The following PBK variants were observed in gnomAD, a reference collection of about 807,000 sequenced individuals.
PBK encodes the protein lymphokine-activated killer T-cell-originated protein kinase.
A neutral mutation model predicts 33.5 loss-of-function variants in PBK; 22 were observed. The ratio of observed to expected loss-of-function variants is 0.66; its 90% CI spans 0.47 to 0.94. The LOEUF is 0.94. Ranked by LOEUF, PBK falls within the 40% of genes least tolerant of loss-of-function variation. The pLI is 0.00. For synonymous variants in PBK, 129 were observed against 123.8 expected, an observed-to-expected ratio of 1.04 and a Z score of -0.28; for missense variants, 376 against 383.4, an observed-to-expected ratio of 0.98 and a Z score of 0.16.
intron 3 of PBK, among the ~76,000 whole-genome samples, chr8:27,824,424 G>A (rs1245986837): frequency 2.6e-5 from 4 of 151,836 alleles, no homozygotes; most frequent in Non-Finnish European, 5.9e-5. Context: ...GCAAATTTCT[G>A]ATGAGATTAC....
rs769711203 is a variant in PBK, at chr8:27,821,365, C to A, written c.466-671G>T. On this transcript the variant is annotated intron_variant, in intron 5 of 7. Coordinates refer to ENST00000301905, the MANE Select transcript of PBK (RefSeq NM_018492.4). ...GCAACATCTGCCTTCCAAGTTCAAG[C>A]GATTCTCCTGCCTCAGCCTCCCGAG... Among the ~76,000 whole-genome samples, 5 of 152,044 alleles carry A rather than the reference C, an allele frequency of 3.3e-5. No individual in the cohort carries two copies. The East Asian group carries it at 7.8e-4, about 24-fold the overall frequency.
At chr8:27,810,908 T>A in intron 7 of PBK, 50 bp downstream of exon 7, 2 of 1,162,938 alleles carry the variant, frequency 1.7e-6, no homozygotes, top group Non-Finnish European at 1.3e-6. Flanking sequence ...TATATAATCT[T>A]TAGTGTGAAA....
chr8:27,827,595 T>C (rs1316717473), intron 3 of PBK, among the ~76,000 whole-genome samples: 1 of 152,226 alleles, frequency 6.6e-6, no homozygotes, highest in Non-Finnish European at 1.5e-5. Context: ...GGCACCATAC[T>C]TGTTCGATTA....
rs1218757089 is a variant in PBK, at chr8:27,811,013, T to G, written c.717A>C (p.Glu239Asp). The G allele has an allele frequency of 1.1e-5, 18 of 1,612,762 alleles. No homozygotes were observed. Among genetic ancestry groups the G allele is most frequent in the Non-Finnish European group, 1.5e-5 (18 of 1,178,906 alleles). The change falls in exon 7 of 8, where the codon GAA becomes GAC. Residue 239 changes from glutamate (E) to aspartate (D), a missense_variant. Glu to Asp is a conservative substitution (Grantham distance 45, BLOSUM62 2). Coordinates refer to ENST00000301905, the MANE Select transcript of PBK (RefSeq NM_018492.4). ...DIFAFGLTLW[E>D]MMTLSIPHIN... ...TGTGTGGAATCGATAAAGTCATCAT[T>G]TCCCACAAAGTAAGGCCAAAGGCAA... is the stretch of plus-strand genomic sequence containing the variant.
intron 6 of PBK, among the ~76,000 whole-genome samples, chr8:27,816,620 C>T (rs1805820456): frequency 6.6e-6 from 1 of 151,810 alleles, no homozygotes; most frequent in Non-Finnish European, 1.5e-5. Context: ...TCATGATTTG[C>T]CCGCCTCGGC....
At position 27,810,470 on chromosome 8, in the gene PBK, A is replaced by G. The variant is rs1805654811; in HGVS notation, c.804T>C (p.Asp268=). 1 of 1,603,136 alleles carries G rather than the reference A, an allele frequency of 6.2e-7. No homozygotes were observed. The highest frequency in any genetic ancestry group is 1.3e-5 in the African/African-American group (1 of 74,544). Residue 268 remains aspartate (D), a synonymous_variant, in exon 8 of 8, where the codon GAT becomes GAC. Transcript: ENST00000301905. The stretch of plus-strand genomic sequence containing the variant: ...TTCCCAACGCTGCATAGTATGCTTC[A>G]TCATCAAAATCACTTTCATCAAAAG... ...DKTFDESDFD[D]EAYYAALGTR... is the part of the protein sequence containing the mutation.
intron 4 of PBK, among the ~76,000 whole-genome samples, chr8:27,822,816 T>C (rs1485786432): frequency 6.6e-6 from 1 of 152,190 alleles, no homozygotes; most frequent in Non-Finnish European, 1.5e-5. Flanking sequence ...TCATTTTATA[T>C]TCTTAAAATC....
rs925430689 is a variant in PBK, at chr8:27,811,466, G to A, written c.596-332C>T. On this transcript the variant is annotated intron_variant, in intron 6 of 7. Transcript: ENST00000301905. ...TCAAAGACATGTGTGTGCAAGCTGCGTGACCTTGAGCAGATCACTTCTAGA... is the reference window on the plus strand; with the variant it reads ...TCAAAGACATGTGTGTGCAAGCTGCATGACCTTGAGCAGATCACTTCTAGA... 2.9e-4 allele frequency: 126 copies of A among 434,934 alleles called. No homozygotes were observed. In the East Asian group the frequency reaches 5.2e-3, roughly 18 times the overall value. 26.9% of individuals were successfully genotyped at this position (434,934 alleles called of 1,614,324 possible).
At chr8:27,816,039 T>A (rs1261490593) in intron 6 of PBK, among the ~76,000 whole-genome samples, 1 of 152,168 alleles carries the variant, frequency 6.6e-6, no homozygotes. Context: ...TGAAAAATGA[T>A]GAAACTGGAG....
intron 3 of PBK, among the ~76,000 whole-genome samples, 200 bp downstream of exon 3, chr8:27,827,905 G>T (rs569331093): frequency 1.3e-5 from 2 of 152,306 alleles, no homozygotes; most frequent in South Asian, 4.1e-4. Context: ...TAACCCATCA[G>T]GAGGAAGCTA....
chr8:27,825,270 T>A (rs908394599), intron 3 of PBK, among the ~76,000 whole-genome samples: 21 of 152,054 alleles, frequency 1.4e-4, no homozygotes, highest in African/African-American at 4.6e-4. Context: ...TGAGACCCCT[T>A]CTCTACAAAA....
rs1805899886 is a variant in PBK, at chr8:27,820,547, C to CTTA, written c.595+15_595+17dup. On this transcript the variant is annotated intron_variant, in intron 6 of 7. Transcript: ENST00000301905. ...CTGTATTAAAAACAAAATTTTAAAACTTAAGAGTACAACTTACCAGTCATA... is the reference window on the plus strand; with the variant it reads ...CTGTATTAAAAACAAAATTTTAAAACTTATTAAGAGTACAACTTACCAGTCATA... The CTTA allele has an allele frequency of 2.0e-6, 3 of 1,480,682 alleles. No homozygotes were observed. The highest frequency in any genetic ancestry group is 1.4e-5 in the African/African-American group (1 of 70,266). 91.7% of individuals were successfully genotyped at this position (1,480,682 alleles called of 1,614,324 possible). A position where few individuals can be genotyped will look rare whatever the true frequency, so the allele number is the denominator to read the frequency against.
chr8:27,831,330 G>A (rs1178448194), intron 2 of PBK, among the ~76,000 whole-genome samples: 2 of 151,890 alleles, frequency 1.3e-5, no homozygotes, highest in African/African-American at 4.8e-5. Flanking sequence ...TCCATTACGG[G>A]TGACAAAAGG....
At chr8:27,810,538 C>A (rs557416121) in intron 7 of PBK, 37 bp from the exon 8 acceptor site, 9 of 1,305,564 alleles carry the variant, frequency 6.9e-6, no homozygotes, top group African/African-American at 2.9e-5. Context: ...TAAACAAAAT[C>A]ACTTTATGTC....
intron 2 of PBK, among the ~76,000 whole-genome samples, chr8:27,831,309 C>A (rs1166185169): frequency 6.6e-6 from 1 of 152,112 alleles, no homozygotes; most frequent in Non-Finnish European, 1.5e-5. Flanking sequence ...GCCGAGATCA[C>A]ACTGTTGTAC....
At chr8:27,810,686 T>C (rs958904743) in intron 7 of PBK, among the ~76,000 whole-genome samples, 185 bp from the exon 8 acceptor site, 3 of 152,176 alleles carry the variant, frequency 2.0e-5, no homozygotes, top group Non-Finnish European at 4.4e-5. Context: ...CTTGGATTTA[T>C]AGGTTATCGA....
In PBK at chr8:27,810,089, T is replaced by C. The variant is rs1805640662; in HGVS notation, c.*216A>G. The C allele has an allele frequency of 5.8e-6, 3 of 514,040 alleles. No homozygotes were observed. Among genetic ancestry groups the C allele is most frequent in the South Asian group, 5.4e-5 (2 of 37,106 alleles). The allele number at this position is 514,040 out of a possible 1,614,324, so 31.8% of individuals were successfully genotyped here. On this transcript the variant is annotated 3_prime_UTR_variant, in exon 8 of 8. Coordinates refer to ENST00000301905, the MANE Select transcript of PBK (RefSeq NM_018492.4). ...AGCAGTATCAAAGTACTTATGTAGC[T>C]AGTTTCTAAAACTTTACAGAAAACC... is the stretch of plus-strand genomic sequence containing the variant.
In PBK at chr8:27,826,665, G is replaced by A. The variant is rs1007158449; in HGVS notation, c.152+1440C>T. On this transcript the variant is annotated intron_variant, in intron 3 of 7. Coordinates refer to ENST00000301905, the MANE Select transcript of PBK (RefSeq NM_018492.4). ...CAAAAAATTAGCCGGGCGTGGTGGC[G>A]GGCGCCTGTAGTCCCAGCTACTCGG... 2.6e-4 allele frequency among the ~76,000 whole-genome samples: 36 copies of A among 140,908 alleles called. 3 individuals carry two copies. The highest frequency in any genetic ancestry group is 9.7e-4 in the East Asian group (4 of 4,116). 92.4% of individuals were successfully genotyped at this position (140,908 alleles called of 152,430 possible).
Position 27,828,094 on chromosome 8 carries a change from CT to C in PBK, c.152+10del. On this transcript the variant is annotated intron_variant, in intron 3 of 7. Coordinates refer to ENST00000301905, the MANE Select transcript of PBK (RefSeq NM_018492.4). ...GCATGAAAAAAGGTTAATCTGAAAT[CT>C]TATACTTACCTTTTCATTAGGTACA... is the stretch of plus-strand genomic sequence containing the variant. 7.8e-7 allele frequency: 1 copy of C among 1,283,626 alleles called. No homozygotes were observed. The highest frequency in any genetic ancestry group is 1.1e-6 in the Non-Finnish European group (1 of 885,140). 79.5% of individuals were successfully genotyped at this position (1,283,626 alleles called of 1,614,324 possible). A position where few individuals can be genotyped will look rare whatever the true frequency, so the allele number is the denominator to read the frequency against.
Sources: gnomAD v4.1 joint callset for allele counts (sites outside exome capture counted in the v4.1 genomes callset) on GRCh38, gnomAD v4.1.1 for gene constraint, MANE v1.5 for transcripts, NCBI Gene and HGNC (gene_info 2026-07-23, HGNC 2026-07-21) for gene names.